The following SLC8A1 variants were observed in gnomAD, a reference collection of about 807,000 sequenced individuals.
SLC8A1 encodes the protein sodium/calcium exchanger 1.
SLC8A1 carries 18 observed loss-of-function variants against 68.3 expected under a neutral mutation model. The ratio of observed to expected loss-of-function variants is 0.26; its 90% confidence interval spans 0.18 to 0.39. The LOEUF is 0.39. SLC8A1 is among the 10% of genes least tolerant of loss of function. The probability of loss-of-function intolerance (pLI) is 1.00; values close to 1 mark genes in which losing one functional copy is unlikely to be tolerated. For synonymous variants in SLC8A1, 475 were observed against 415.5 expected (o/e 1.14, Z -1.74); for missense variants, 985 against 1,156.7 (o/e 0.85, Z 2.15).
intron 2 of SLC8A1, among the ~76,000 whole-genome samples, chr2:40,227,402 A>G (rs918400052): frequency 5.3e-5 from 8 of 151,978 alleles, no homozygotes; most frequent in Non-Finnish European, 7.4e-5. Context: ...TATGCAAATA[A>G]CCACATCCTT....
chr2:40,492,100 A>C (rs1705353778), intron 1 of SLC8A1, among the ~76,000 whole-genome samples: 1 of 152,096 alleles, frequency 6.6e-6, no homozygotes, highest in Non-Finnish European at 1.5e-5. Flanking sequence ...ACTATACTAC[A>C]AGGCTACAGT....
At chr2:40,499,906 A>T (rs1452412600) in intron 1 of SLC8A1, among the ~76,000 whole-genome samples, 2 of 152,070 alleles carry the variant, frequency 1.3e-5, no homozygotes, top group African/African-American at 2.4e-5. Context: ...ATTCTCGGGT[A>T]TAAACTGAAG....
At chr2:40,131,519 G>T (rs909773652) in intron 7 of SLC8A1, among the ~76,000 whole-genome samples, 1 of 152,202 alleles carries the variant, frequency 6.6e-6, no homozygotes, top group Admixed American at 6.5e-5. Flanking sequence ...GGGCATTTTT[G>T]TGTTCGCTCC....
intron 4 of SLC8A1, 37 bp from the exon 6 acceptor site, chr2:40,174,757 T>A (rs751432383): frequency 3.2e-6 from 5 of 1,575,116 alleles, no homozygotes; most frequent in Non-Finnish European, 4.3e-6. Context: ...AAATTTTTTT[T>A]AATGTAATAA....
At position 40,463,012 on chromosome 2, in the gene SLC8A1, G is replaced by GA. The variant is rs11342732; in HGVS notation, c.-24-32709dup. ...TGTTAGACACAATGGAATTATCAGT[G>GA]AAAAAAAAAATGGGGCTTTCATCGT... On this transcript the variant is annotated intron_variant, in intron 1 of 7. Transcript: ENST00000402441. Among the ~76,000 whole-genome samples, 99 of 148,998 alleles carry GA rather than the reference G, an allele frequency of 6.6e-4. No homozygotes were observed. In the East Asian group the frequency reaches 0.012, roughly 18 times the overall value.
intron 6 of SLC8A1, among the ~76,000 whole-genome samples, chr2:40,145,964 TCTCTC>T (rs1201321879): frequency 1.2e-5 from 1 of 86,720 alleles, no homozygotes; most frequent in Non-Finnish European, 3.1e-5. Context: ...CAAGAGTTGA[TCTCTC>T]TTTTTTTTGT....
chr2:40,232,749 C>CAA (rs1438576126), intron 2 of SLC8A1, among the ~76,000 whole-genome samples: 1 of 84,260 alleles, frequency 1.2e-5, no homozygotes, highest in African/African-American at 4.1e-5. Context: ...ATCCCTCCCC[C>CAA]CCCGCCACCC....
intron 2 of SLC8A1, among the ~76,000 whole-genome samples, chr2:40,231,692 A>G (rs916104508): frequency 1.3e-5 from 2 of 152,064 alleles, no homozygotes; most frequent in African/African-American, 4.8e-5. Context: ...TTTCACATAA[A>G]TCGCACTTGG....
At chr2:40,391,201 C>CGT (rs374273163) in intron 2 of SLC8A1, among the ~76,000 whole-genome samples, 11 of 90,550 alleles carry the variant, frequency 1.2e-4, no homozygotes, top group African/African-American at 2.0e-4. Flanking sequence ...TACACACACA[C>CGT]ATATGTCTGT....
intron 2 of SLC8A1, among the ~76,000 whole-genome samples, chr2:40,313,404 C>G (rs1028931198): frequency 1.3e-5 from 2 of 151,942 alleles, no homozygotes; most frequent in African/African-American, 4.8e-5. Flanking sequence ...TATATGCTTT[C>G]TTTTCTGTTG....
chr2:40,320,612 G>C (rs2075069614), intron 2 of SLC8A1, among the ~76,000 whole-genome samples: 1 of 152,114 alleles, frequency 6.6e-6, no homozygotes, highest in Admixed American at 6.6e-5. Context: ...TCTTAACATT[G>C]TTTTGAATTC....
chr2:40,498,452 C>A (rs1231353094), intron 1 of SLC8A1, among the ~76,000 whole-genome samples: 3 of 152,038 alleles, frequency 2.0e-5, no homozygotes, highest in Admixed American at 6.6e-5. Flanking sequence ...AGTATAATTT[C>A]AATGTTCAAA....
At chr2:40,338,661 G>A (rs771232664) in intron 2 of SLC8A1, among the ~76,000 whole-genome samples, 10 of 152,282 alleles carry the variant, frequency 6.6e-5, no homozygotes, top group Non-Finnish European at 1.2e-4. Context: ...TCATCCATAA[G>A]TGACAACAAA....
At chr2:40,441,054 T>A (rs1443531081) in intron 1 of SLC8A1, among the ~76,000 whole-genome samples, 1 of 152,166 alleles carries the variant, frequency 6.6e-6, no homozygotes, top group Non-Finnish European at 1.5e-5. Context: ...CAAAAACTCC[T>A]TAAGCTGACA....
intron 2 of SLC8A1, among the ~76,000 whole-genome samples, chr2:40,283,877 C>A (rs2067868494): frequency 6.6e-6 from 1 of 152,116 alleles, no homozygotes; most frequent in Non-Finnish European, 1.5e-5. Context: ...AAAATAAAAA[C>A]TGGAACAGTC....
Position 40,478,545 on chromosome 2 carries a change from T to C in SLC8A1, c.-25+33804A>G, listed in dbSNP as rs145019502. 4.8e-4 allele frequency among the ~76,000 whole-genome samples: 73 copies of C among 152,318 alleles called. No individual in the cohort carries two copies. In the East Asian group the frequency reaches 0.013, roughly 28 times the overall value. On this transcript the variant is annotated intron_variant, in intron 1 of 7. Coordinates refer to the SLC8A1 transcript ENST00000402441. ...TCCATTTAAAAGTCTATGATTTTCT[T>C]TGGTAAAAAGCTCAGGTAGTTTTTT... is the stretch of plus-strand genomic sequence containing the variant.
chr2:40,304,829 A>G (rs2072262754), intron 2 of SLC8A1, among the ~76,000 whole-genome samples: 1 of 152,098 alleles, frequency 6.6e-6, no homozygotes, highest in Admixed American at 6.6e-5. Context: ...CCTAGACCTC[A>G]TGCGCCCGCC....
intron 2 of SLC8A1, among the ~76,000 whole-genome samples, chr2:40,388,904 G>A (rs1684426995): frequency 6.6e-6 from 1 of 152,094 alleles, no homozygotes; most frequent in Non-Finnish European, 1.5e-5. Flanking sequence ...TTAAGACCTT[G>A]AGCCTGCTGT....
chr2:40,350,121 A>G (rs1670594891), intron 2 of SLC8A1, among the ~76,000 whole-genome samples: 1 of 152,114 alleles, frequency 6.6e-6, no homozygotes, highest in South Asian at 2.1e-4. Flanking sequence ...GTTGCATGTC[A>G]TATTTATATG....
Sources: allele counts gnomAD v4.1 joint callset (sites outside exome capture counted in the v4.1 genomes callset), GRCh38; gene constraint gnomAD v4.1.1; transcripts MANE v1.5; gene names NCBI Gene and HGNC (gene_info 2026-07-23, HGNC 2026-07-21).